The following MUC5AC variants were observed in gnomAD, a reference collection of about 807,000 sequenced individuals.
MUC5AC encodes mucin-5AC.
Under a neutral mutation model 169.7 loss-of-function variants are expected in MUC5AC, and 158 were observed. The ratio of observed to expected loss-of-function variants is 0.93; its 90% CI spans 0.82 to 1.06. The LOEUF (loss-of-function observed/expected upper bound fraction) is 1.06. MUC5AC is among the 50% of genes least tolerant of loss of function. The pLI is 0.00. For missense variants in MUC5AC, 4,359 were observed against 3,089.9 expected, an observed-to-expected ratio of 1.41 and a Z score of -9.74; for synonymous variants, 1,975 against 1,237.0, an observed-to-expected ratio of 1.60 and a Z score of -12.52.
chr11:1,188,722 G>C lies in MUC5AC; in HGVS notation c.10577G>C (p.Trp3526Ser). 2 of 764,550 alleles carry C rather than the reference G, an allele frequency of 2.6e-6. No homozygotes were observed. Among genetic ancestry groups the C allele is most frequent in the South Asian group, 2.7e-5 (2 of 74,558 alleles). The allele number at this position is 764,550 out of a possible 1,614,324, so 47.4% of individuals were successfully genotyped here. Residue 3526 changes from tryptophan (W) to serine (S), a missense_variant, in exon 31 of 49, where the codon TGG (tryptophan) becomes TCG (serine). Coordinates refer to ENST00000621226, the MANE Select transcript of MUC5AC (RefSeq NM_001304359.2). ...AGAGACTGTCATCCCCGGTGCACCT[G>C]GACCAAATGGTTTGATGTGGACTTT... ...VTRDCHPRCTWTKWFDVDFPS... is the reference protein window; with the variant it reads ...VTRDCHPRCTSTKWFDVDFPS...
Position 1,161,567 on chromosome 11 carries a change from G to A in MUC5AC, c.192G>A (p.Arg64=). The change falls in exon 3 of 49, where the codon AGG becomes AGA. Residue 64 remains arginine, a synonymous_variant. Transcript: ENST00000621226. ...LRGATVFPSL[R]TIPVVRASNP... ...GGGCGACTGTCTTCCCATCTCTGAG[G>A]ACCATCCCTGTGGTACGAGGTGAGT... is the stretch of plus-strand genomic sequence containing the variant. 2 of 1,610,444 alleles carry A rather than the reference G, an allele frequency of 1.2e-6. No individual in the cohort carries two copies. The highest frequency in any genetic ancestry group is 1.7e-6 in the Non-Finnish European group (2 of 1,178,482).
rs1297658917 is a variant in MUC5AC at position 1,167,953 on chromosome 11, A to G, written c.1463A>G (p.Lys488Arg). Residue 488 changes from lysine (K) to arginine (R), a missense_variant, in exon 12 of 49, where the codon AAG (lysine) becomes AGG (arginine). By Grantham distance (26) the Lys-to-Arg change is conservative. Coordinates refer to ENST00000621226, the MANE Select transcript of MUC5AC (RefSeq NM_001304359.2). Reference protein sequence around the residue: ...CGLTDSETCLKSVTLSLDGAQ... With the variant: ...CGLTDSETCLRSVTLSLDGAQ... ...CTGACGGACAGCGAGACCTGCCTGA[A>G]GAGCGTGACACTGAGCCTGGATGGG... is the stretch of plus-strand genomic sequence containing the variant. 1 of 1,550,748 alleles carries G rather than the reference A, an allele frequency of 6.4e-7. No individual in the cohort carries two copies. Among genetic ancestry groups the G allele is most frequent in the African/African-American group, 1.4e-5 (1 of 73,066 alleles).
chr11:1,168,974 C>A lies in MUC5AC; in HGVS notation c.1818C>A (p.Cys606Ter). ...FFNTFKTQAA[C>*]PNIRNSFEDP... ...ACACCTTCAAGACCCAGGCCGCCTG[C>A]CCCAACATCAGGAACAGCTTCGAGG... Residue 606 changes from cysteine to a stop codon, truncating the protein, a stop_gained, in exon 15 of 49, where the codon TGC becomes TGA. Coordinates refer to ENST00000621226, the MANE Select transcript of MUC5AC (RefSeq NM_001304359.2). LOFTEE classifies it high-confidence loss of function. 2 of 1,610,636 alleles carry A rather than the reference C, an allele frequency of 1.2e-6. No homozygotes were observed. Among genetic ancestry groups the A allele is most frequent in the Non-Finnish European group, 8.5e-7 (1 of 1,178,742 alleles).
Position 1,186,940 on chromosome 11 carries a change from C to T in MUC5AC, c.8795C>T (p.Thr2932Ile). 1 of 728,286 alleles carries T rather than the reference C, an allele frequency of 1.4e-6. No individual in the cohort carries two copies. Among genetic ancestry groups the T allele is most frequent in the Non-Finnish European group, 2.5e-6 (1 of 399,292 alleles). The allele number at this position is 728,286 out of a possible 1,614,324, so 45.1% of individuals were successfully genotyped here. The change falls in exon 31 of 49, where the codon ACA becomes ATA. Residue 2932 changes from threonine (T) to isoleucine (I), a missense_variant. Thr to Ile is a moderately conservative substitution (Grantham distance 89). Coordinates refer to ENST00000621226, the MANE Select transcript of MUC5AC (RefSeq NM_001304359.2). ...ACAACCTCAGCTACTACAACCAGCA[C>T]AATCTCTGTTCCTACAACCAGCACA... Reference protein sequence around the residue: ...SSTTSATTTSTISVPTTSTTS... With the variant: ...SSTTSATTTSIISVPTTSTTS...
At chr11:1,167,790 G>A (rs1860378407) in intron 11 of MUC5AC, 87 bp from the exon 12 acceptor site, 4 of 1,139,142 alleles carry the variant, frequency 3.5e-6, no homozygotes, top group East Asian at 2.6e-5. Flanking sequence ...TAGTGAGGGA[G>A]AGGAGCACAG....
intron 12 of MUC5AC, 50 bp downstream of exon 12, chr11:1,168,037 C>G: frequency 1.4e-6 from 2 of 1,473,326 alleles, no homozygotes; most frequent in South Asian, 2.4e-5. Flanking sequence ...AGGGGCCTGT[C>G]TCTTCTGCAA....
intron 36 of MUC5AC, 99 bp downstream of exon 36, chr11:1,195,378 T>G (rs911126132): frequency 4.3e-6 from 3 of 690,582 alleles, no homozygotes; most frequent in Non-Finnish European, 8.0e-6. Context: ...AGGGGGCTCC[T>G]GAGAGGAAAC....
intron 25 of MUC5AC, 42 bp downstream of exon 25, chr11:1,178,725 A>ACCATGACCCCCT: frequency 9.2e-7 from 1 of 1,086,650 alleles, no homozygotes; most frequent in Non-Finnish European, 1.2e-6. Context: ...CAAGGGGGTC[A>ACCATGACCCCCT]TGGTGACCCA....
rs1330735919 is a variant in MUC5AC, at chr11:1,190,684, C to T, written c.12539C>T (p.Ala4180Val). Residue 4180 changes from alanine (A) to valine (V), a missense_variant, in exon 31 of 49, where the codon GCC (alanine) becomes GTC (valine). Transcript: ENST00000621226. Reference sequence around the variant, plus strand: ...GCTCCTACAACCAGCACAATCTCTGCCTCTACAACCAGCACAATCTCTGCC... The same window carrying T: ...GCTCCTACAACCAGCACAATCTCTGTCTCTACAACCAGCACAATCTCTGCC... Reference protein sequence around the residue: ...NSAPTTSTISASTTSTISAPT... With the variant: ...NSAPTTSTISVSTTSTISAPT... 0.16 allele frequency: 109,505 copies of T among 694,928 alleles called. 10,091 individuals carry two copies. Among genetic ancestry groups the T allele is most frequent in the Non-Finnish European group, 0.19 (73,706 of 380,686 alleles). The allele number at this position is 694,928 out of a possible 1,614,324, so 43.0% of individuals were successfully genotyped here.
At position 1,185,021 on chromosome 11, in the gene MUC5AC, A is replaced by G. The variant is rs1860897854; in HGVS notation, c.6876A>G (p.Thr2292=). 4.4e-6 allele frequency: 3 copies of G among 685,720 alleles called. No homozygotes were observed. The highest frequency in any genetic ancestry group is 1.8e-5 in the African/African-American group (1 of 55,964). 42.5% of individuals were successfully genotyped at this position (685,720 alleles called of 1,614,324 possible). Residue 2292 remains threonine, a synonymous_variant, in exon 31 of 49, where the codon ACA becomes ACG. Transcript: ENST00000621226. ...ARTTSAPTTR[T]TSASPASTTS... ...CAACCTCTGCTCCTACAACCAGAAC[A>G]ACCTCTGCCTCTCCAGCCAGCACAA...
rs907234215 is a variant in MUC5AC at position 1,172,208 on chromosome 11, C to T, written c.1871-221C>T. Among the ~76,000 whole-genome samples the T allele has an allele frequency of 3.3e-5, 5 of 152,200 alleles. No homozygotes were observed. In the East Asian group the frequency reaches 5.8e-4, roughly 18 times the overall value. ...GGGGCTGGGTGGGACATGCAGGAAACGAGAGAAGCCTCGGTTCTGGATGTT... is the reference window on the plus strand; with the variant it reads ...GGGGCTGGGTGGGACATGCAGGAAATGAGAGAAGCCTCGGTTCTGGATGTT... On this transcript the variant is annotated intron_variant, in intron 15 of 48. Transcript: ENST00000621226.
rs559527572 is a variant in MUC5AC, at chr11:1,194,370, C to T, written c.15006+10C>T. ...GGTGATGACAAACGAGGTGGGGGCG[C>T]GCCCGGTGTGCCGCGGAGGGGGTGG... is the stretch of plus-strand genomic sequence containing the variant. On this transcript the variant is annotated intron_variant, in intron 34 of 48. Coordinates refer to ENST00000621226, the MANE Select transcript of MUC5AC (RefSeq NM_001304359.2). 262 of 717,384 alleles carry T rather than the reference C, an allele frequency of 3.7e-4. 2 individuals carry two copies. Among genetic ancestry groups the T allele is most frequent in the South Asian group, 3.4e-3 (239 of 69,394 alleles). The allele number at this position is 717,384 out of a possible 1,614,324, so 44.4% of individuals were successfully genotyped here.
At chr11:1,161,784 C>T (rs1386954058) in intron 3 of MUC5AC, 123 bp from the exon 4 acceptor site, 29 of 1,414,340 alleles carry the variant, frequency 2.1e-5, no homozygotes, top group Admixed American at 1.2e-4. Context: ...CTGGGTGCCC[C>T]GTCCAGGGCA....
Position 1,198,915 on chromosome 11 carries a change from G to A in MUC5AC, c.16215G>A (p.Arg5405=), listed in dbSNP as rs867899608. ...VVSSSLCETC[R]CELPGGPPSD... ...CCTCGAGCCTGTGCGAAACCTGCAG[G>A]TGTGAGCTGCCGGGTGGCCCCCCAT... The change falls in exon 44 of 49, where the codon AGG becomes AGA. Residue 5405 remains arginine (R), a synonymous_variant. Coordinates refer to ENST00000621226, the MANE Select transcript of MUC5AC (RefSeq NM_001304359.2). 66 of 759,618 alleles carry A rather than the reference G, an allele frequency of 8.7e-5. 1 individual carries two copies. The Middle Eastern group carries it at 1.1e-3, about 13-fold the overall frequency. 47.1% of individuals were successfully genotyped at this position (759,618 alleles called of 1,614,324 possible).
Position 1,197,926 on chromosome 11 carries a change from G to A in MUC5AC, c.16057G>A (p.Ala5353Thr), listed in dbSNP as rs34474233. The A allele has an allele frequency of 0.04, 29,523 of 731,564 alleles. 791 individuals carry two copies. Among genetic ancestry groups the A allele is most frequent in the Middle Eastern group, 0.079 (237 of 3,004 alleles). The allele number at this position is 731,564 out of a possible 1,614,324, so 45.3% of individuals were successfully genotyped here. The change falls in exon 42 of 49, where the codon GCG becomes ACG. Residue 5353 changes from alanine (A) to threonine (T), a missense_variant. By Grantham distance (58) the Ala-to-Thr change is moderately conservative. Transcript: ENST00000621226. ...AGCCTGCAACACCAGCCGCTGCCCC[G>A]CGCCCGTGGGCTGTCCTGAGGGCGC... ...SCACNTSRCPAPVGCPEGARA... is the reference protein window; with the variant it reads ...SCACNTSRCPTPVGCPEGARA...
rs200151958 is a variant in MUC5AC at position 1,196,452 on chromosome 11, C to T, written c.15702C>T (p.Tyr5234=). The T allele has an allele frequency of 2.6e-4, 196 of 764,926 alleles. 1 individual carries two copies. The highest frequency in any genetic ancestry group is 4.1e-4 in the Non-Finnish European group (173 of 417,818). 47.4% of individuals were successfully genotyped at this position (764,926 alleles called of 1,614,324 possible). A position where few individuals can be genotyped will look rare whatever the true frequency, so the allele number is the denominator to read the frequency against. ...PCGPSNPSYC[Y]GNDSASLGAL... ...GCCCGAGCAACCCCTCCTACTGCTA[C>T]GGGAATGACAGCGCCAGCCTCGGGT... is the stretch of plus-strand genomic sequence containing the variant. The change falls in exon 38 of 49, where the codon TAC becomes TAT. Residue 5234 remains tyrosine (Y), a synonymous_variant. Transcript: ENST00000621226.
chr11:1,194,966 G>C (rs1342632086), intron 35 of MUC5AC, 46 bp from the exon 36 acceptor site: 1 of 672,890 alleles, frequency 1.5e-6, no homozygotes, highest in Non-Finnish European at 2.7e-6. Flanking sequence ...GGTGGGGCCA[G>C]CCGGCTCTGC....
At chr11:1,169,271 C>A in intron 15 of MUC5AC, 1 of 706,814 alleles carries the variant, frequency 1.4e-6, no homozygotes, top group Non-Finnish European at 1.7e-6. Context: ...TCAACATCCG[C>A]CCTGACCGCC....
chr11:1,189,131 C>T lies in MUC5AC; in HGVS notation c.10986C>T (p.Ser3662=). Residue 3662 remains serine, a synonymous_variant, in exon 31 of 49, where the codon AGC becomes AGT. Transcript: ENST00000621226. The part of the protein sequence containing the change: ...QKSRTTTLVT[S]SITSTTQTST... ...CCAGGACAACCACTTTGGTGACAAG[C>T]AGCATAACCTCCACTACACAGACCA... 1.7e-6 allele frequency: 1 copy of T among 602,140 alleles called. No homozygotes were observed. 37.3% of individuals were successfully genotyped at this position (602,140 alleles called of 1,614,324 possible).
Sources: gnomAD v4.1 joint callset for allele counts (sites outside exome capture counted in the v4.1 genomes callset) on GRCh38, gnomAD v4.1.1 for gene constraint, MANE v1.5 for transcripts, NCBI Gene and HGNC (gene_info 2026-07-23, HGNC 2026-07-21) for gene names.